Variants in TFCP2 observed in about 807,000 individuals in gnomAD.
The protein encoded by TFCP2 is transcription factor CP2.
In TFCP2, 33 loss-of-function variants were observed where a neutral mutation model predicts 73.4. That is an observed-to-expected ratio of 0.45 (90% confidence interval 0.34 to 0.60). TFCP2 has a LOEUF of 0.60. TFCP2 is among the 20% of genes least tolerant of loss of function. TFCP2 has a pLI of 0.01. For synonymous variants in TFCP2, 193 were observed against 211.6 expected (o/e 0.91, Z 0.76); for missense variants, 352 against 604.0 (o/e 0.58, Z 4.37).
intron 3 of TFCP2, among the ~76,000 whole-genome samples, chr12:51,116,693 C>T (rs1940535935): frequency 6.6e-6 from 1 of 151,008 alleles, no homozygotes; most frequent in African/African-American, 2.4e-5. Flanking sequence ...TCTCGGCTCA[C>T]CGCAACCTCC....
chr12:51,095,218 A>G lies in TFCP2; in HGVS notation c.*23T>C, dbSNP rs1441263674. ...TTCAGAGGTGAAGGAAGGAGCAGCC[A>G]CTGGGCACGAAACGCCGCACTCCTA... On this transcript the variant is annotated 3_prime_UTR_variant, in exon 15 of 15. Transcript: ENST00000257915. 1.2e-6 allele frequency: 2 copies of G among 1,613,626 alleles called. No individual in the cohort carries two copies. Among genetic ancestry groups the G allele is most frequent in the African/African-American group, 2.7e-5 (2 of 74,926 alleles).
Position 51,172,611 on chromosome 12 carries a change from T to TTGGCTGCC in TFCP2, c.-190_-189insGGCAGCCA. The TTGGCTGCC allele has an allele frequency of 1.4e-6, 1 of 701,286 alleles. No individual in the cohort carries two copies. Among genetic ancestry groups the TTGGCTGCC allele is most frequent in the East Asian group, 3.0e-5 (1 of 32,796 alleles). 43.4% of individuals were successfully genotyped at this position (701,286 alleles called of 1,614,324 possible). A position where few individuals can be genotyped will look rare whatever the true frequency, so the allele number is the denominator to read the frequency against. ...ACTAATCTCCCGTACCCTTGGCTGC[T>TTGGCTGCC]CGTTCTTGGCTGCCCCAGGTTCCAA... On this transcript the variant is annotated 5_prime_UTR_variant, in exon 1 of 15. Transcript: ENST00000257915.
rs372943498 is a variant in TFCP2, at chr12:51,158,606, G to A, written c.122+13695C>T. ...CAGGTTCATGTGATTCTCCTGCCTC[G>A]GCCTCCCGAGTAGCTGGGACTACAG... On this transcript the variant is annotated intron_variant, in intron 1 of 14. Coordinates refer to ENST00000257915, the MANE Select transcript of TFCP2 (RefSeq NM_005653.5). Among the ~76,000 whole-genome samples, 201 of 150,512 alleles carry A rather than the reference G, an allele frequency of 1.3e-3. 1 individual carries two copies. Among genetic ancestry groups the A allele is most frequent in the African/African-American group, 4.5e-3 (186 of 41,030 alleles).
intron 1 of TFCP2, among the ~76,000 whole-genome samples, chr12:51,140,445 C>CTTTTTTTTTTTTTTTTTTTTTTT (rs768526922): frequency 4.5e-5 from 4 of 88,034 alleles, no homozygotes; most frequent in African/African-American, 9.0e-5. Flanking sequence ...TTTTCTTTTT[C>CTTTTTTTTTTTTTTTTTTTTTTT]TTTTTTTTTT....
intron 13 of TFCP2, 106 bp from the exon 14 acceptor site, chr12:51,096,146 C>A (rs1465517423): frequency 8.9e-6 from 7 of 785,228 alleles, no homozygotes; most frequent in Non-Finnish European, 1.4e-5. Context: ...ATATGGGAGG[C>A]TTTACAGGTC....
At chr12:51,115,119 C>CTTTT (rs767275906) in intron 4 of TFCP2, among the ~76,000 whole-genome samples, 1 of 83,798 alleles carries the variant, frequency 1.2e-5, no homozygotes, top group Non-Finnish European at 2.3e-5. Context: ...AAATTGGAAC[C>CTTTT]TTTTTTTTTT....
chr12:51,148,431 G>A (rs1941345396), intron 1 of TFCP2, among the ~76,000 whole-genome samples: 1 of 152,176 alleles, frequency 6.6e-6, no homozygotes, highest in African/African-American at 2.4e-5. Context: ...GGCCGGGCGT[G>A]GTGGCCCACA....
intron 11 of TFCP2, among the ~76,000 whole-genome samples, chr12:51,101,161 T>C (rs1341438754): frequency 2.6e-5 from 4 of 151,830 alleles, no homozygotes; most frequent in Admixed American, 6.6e-5. Context: ...AAAAATTAGC[T>C]GGGCATGGTG....
At chr12:51,135,600 C>G (rs774032642) in intron 1 of TFCP2, among the ~76,000 whole-genome samples, 1 of 152,188 alleles carries the variant, frequency 6.6e-6, no homozygotes, top group Non-Finnish European at 1.5e-5. Context: ...ATCTTAGCAG[C>G]TGAACATCAG....
chr12:51,161,485 C>T (rs1310476308), intron 1 of TFCP2, among the ~76,000 whole-genome samples: 2 of 151,762 alleles, frequency 1.3e-5, no homozygotes, highest in Non-Finnish European at 2.9e-5. Flanking sequence ...TCGAGACCAT[C>T]CTGGCTAACA....
intron 1 of TFCP2, among the ~76,000 whole-genome samples, chr12:51,132,791 G>C (rs764532915): frequency 5.3e-5 from 8 of 152,108 alleles, no homozygotes; most frequent in Middle Eastern, 3.2e-3. Context: ...GTGGAGAGGG[G>C]AAGACCCTGA....
intron 1 of TFCP2, among the ~76,000 whole-genome samples, chr12:51,140,445 C>CTTTTTTTTTTTTTTTT (rs768526922): frequency 1.6e-3 from 145 of 88,014 alleles, no homozygotes; most frequent in Non-Finnish European, 2.1e-3. Context: ...TTTTCTTTTT[C>CTTTTTTTTTTTTTTTT]TTTTTTTTTT....
At chr12:51,111,318 G>A (rs1940395203) in intron 4 of TFCP2, among the ~76,000 whole-genome samples, 1 of 151,492 alleles carries the variant, frequency 6.6e-6, no homozygotes, top group Admixed American at 6.6e-5. Context: ...TAATTTTTTT[G>A]TATCTTTAGT....
intron 1 of TFCP2, among the ~76,000 whole-genome samples, chr12:51,148,138 G>A (rs1941338254): frequency 6.6e-6 from 1 of 152,030 alleles, no homozygotes. Context: ...AAAAAAAATA[G>A]ATGTTGGCAT....
intron 5 of TFCP2, 129 bp from the exon 6 acceptor site, chr12:51,109,402 C>G (rs751536012): frequency 4.6e-6 from 4 of 865,612 alleles, no homozygotes; most frequent in Non-Finnish European, 7.0e-6. Context: ...AACACTTTTC[C>G]TCTTTTTGAT....
In TFCP2 at chr12:51,109,219, C is replaced by T. The variant is rs1391856747; in HGVS notation, c.619G>A (p.Val207Met). 1 of 1,614,010 alleles carries T rather than the reference C, an allele frequency of 6.2e-7. No individual in the cohort carries two copies. The highest frequency in any genetic ancestry group is 1.3e-5 in the African/African-American group (1 of 74,906). ...GTATCTATTTGTACTCGGAATGGCA[C>T]CCCCTTTTCTCCACCATGTTTCCTC... ...TMRKHGGEKGVPFRVQIDTFK... is the reference protein window; with the variant it reads ...TMRKHGGEKGMPFRVQIDTFK... Residue 207 changes from valine to methionine, a missense_variant, in exon 6 of 15, where the codon GTG (valine) becomes ATG (methionine). Physicochemically the swap from Val to Met is conservative, Grantham distance 21 (BLOSUM62 1). Coordinates refer to ENST00000257915, the MANE Select transcript of TFCP2 (RefSeq NM_005653.5).
At chr12:51,172,160 G>T in intron 1 of TFCP2, 141 bp downstream of exon 1, 2 of 1,226,074 alleles carry the variant, frequency 1.6e-6, no homozygotes, top group Non-Finnish European at 2.3e-6. Context: ...TACTCAAAGC[G>T]ACAAAAGAAC....
intron 2 of TFCP2, 36 bp from the exon 3 acceptor site, chr12:51,117,783 C>T (rs754382643): frequency 4.2e-6 from 6 of 1,430,762 alleles, no homozygotes; most frequent in East Asian, 4.6e-5. Context: ...ATATTCACCA[C>T]AAATTAACTT....
intron 4 of TFCP2, among the ~76,000 whole-genome samples, chr12:51,115,064 GA>G (rs71089747): frequency 4.4e-5 from 3 of 68,052 alleles, no homozygotes; most frequent in African/African-American, 5.4e-5. Flanking sequence ...TCCATCTCAG[GA>G]AAAAAAAAAA....
Sources: gnomAD v4.1 joint callset for allele counts (sites outside exome capture counted in the v4.1 genomes callset) on GRCh38, gnomAD v4.1.1 for gene constraint, MANE v1.5 for transcripts, NCBI Gene and HGNC (gene_info 2026-07-23, HGNC 2026-07-21) for gene names.